The following FRAS1 variants were observed in gnomAD, a reference collection of about 807,000 sequenced individuals.
FRAS1 encodes Fraser extracellular matrix complex subunit 1.
In FRAS1, 290 loss-of-function variants were observed where a neutral mutation model predicts 435.2. The observed-to-expected ratio is 0.67, with a 90% CI of 0.61 to 0.73. The LOEUF is 0.73. Among genes scored for constraint, FRAS1 ranks in the 30% least tolerant of loss-of-function variants. The probability of loss-of-function intolerance (pLI) is 0.00; values close to 1 mark genes in which losing one functional copy is unlikely to be tolerated. For missense variants in FRAS1, 4,860 were observed against 5,001.5 expected (o/e 0.97, Z 0.85); for synonymous variants, 1,800 against 1,851.0 (o/e 0.97, Z 0.71).
At chr4:78,383,708 C>T (rs1168086704) in intron 27 of FRAS1, among the ~76,000 whole-genome samples, 1 of 152,174 alleles carries the variant, frequency 6.6e-6, no homozygotes, top group Non-Finnish European at 1.5e-5. Context: ...ATAAAAGATT[C>T]CTTTCAATTC....
Position 78,521,741 on chromosome 4 carries a change from T to C in FRAS1, c.10648+111T>C, listed in dbSNP as rs183061903. On this transcript the variant is annotated intron_variant, in intron 68 of 73. Coordinates refer to ENST00000512123, the MANE Select transcript of FRAS1 (RefSeq NM_025074.7). ...AAACAGTCAACAATGATTAACATTT[T>C]GCTATACATCCATGTGCACATACAT... The C allele has an allele frequency of 4.2e-5, 28 of 660,564 alleles. No individual in the cohort carries two copies. The East Asian group carries it at 7.5e-4, about 18-fold the overall frequency. The allele number at this position is 660,564 out of a possible 1,614,324, so 40.9% of individuals were successfully genotyped here.
At chr4:78,141,365 T>G (rs1260002883) in intron 2 of FRAS1, among the ~76,000 whole-genome samples, 1 of 152,182 alleles carries the variant, frequency 6.6e-6, no homozygotes, top group Non-Finnish European at 1.5e-5. Context: ...ATGAAAAGAA[T>G]GTTTATTTGA....
At chr4:78,540,231 C>A (rs527970323) in intron 73 of FRAS1, among the ~76,000 whole-genome samples, 2 of 152,164 alleles carry the variant, frequency 1.3e-5, no homozygotes, top group Non-Finnish European at 1.5e-5. Flanking sequence ...TAAAGACAGA[C>A]AAATATAAGC....
chr4:78,307,943 A>T, intron 14 of FRAS1, 123 bp from the exon 15 acceptor site: 1 of 913,446 alleles, frequency 1.1e-6, no homozygotes, highest in Non-Finnish European at 1.6e-6. Context: ...ATGTGTCAAT[A>T]GCAGTTTAGG....
chr4:78,511,481 G>A lies in FRAS1; in HGVS notation c.9988G>A (p.Val3330Ile), dbSNP rs1721038035. ...CATCGCAACCTTGAAATACCTGGAT[G>A]TCAAACATAAGGAGCATCCGAACAG... ...SFIATLKYLD[V>I]KHKEHPNRIH... The change falls in exon 64 of 74, where the codon GTC becomes ATC. Residue 3330 changes from valine (V) to isoleucine (I), a missense_variant. Coordinates refer to ENST00000512123, the MANE Select transcript of FRAS1 (RefSeq NM_025074.7). 2.5e-6 allele frequency: 4 copies of A among 1,613,666 alleles called. No homozygotes were observed. The South Asian group carries it at 3.3e-5, about 13-fold the overall frequency.
rs899004118 is a variant in FRAS1 at position 78,477,968 on chromosome 4, G to A, written c.8005G>A (p.Asp2669Asn). ...CACCCAGGCGAAGGTCATTATCAACGATACCGAGGATGAACCCACATTAGA... is the reference window on the plus strand; with the variant it reads ...CACCCAGGCGAAGGTCATTATCAACAATACCGAGGATGAACCCACATTAGA... ...EFTQAKVIIN[D>N]TEDEPTLEFD... The change falls in exon 55 of 74, where the codon GAT (aspartate) becomes AAT (asparagine). Residue 2669 changes from aspartate to asparagine, a missense_variant. Physicochemically the swap from Asp to Asn is conservative, Grantham distance 23. Coordinates refer to ENST00000512123, the MANE Select transcript of FRAS1 (RefSeq NM_025074.7). The A allele has an allele frequency of 3.7e-6, 6 of 1,612,812 alleles. No individual in the cohort carries two copies. The highest frequency in any genetic ancestry group is 3.4e-6 in the Non-Finnish European group (4 of 1,179,578).
In FRAS1 at chr4:78,317,358, T is replaced by G. The variant is rs1729310821; in HGVS notation, c.1820-10T>G. On this transcript the variant is annotated splice_polypyrimidine_tract_variant and intron_variant, in intron 16 of 73. Transcript: ENST00000512123. The stretch of plus-strand genomic sequence containing the variant: ...TCCCATGGCGTTCTCCCTCTCACTC[T>G]CTTCCTCAGTTTGTCATAACTCATG... 6.2e-7 allele frequency: 1 copy of G among 1,613,716 alleles called. No individual in the cohort carries two copies. Among genetic ancestry groups the G allele is most frequent in the East Asian group, 2.2e-5 (1 of 44,868 alleles).
At position 78,519,251 on chromosome 4, in the gene FRAS1, A is replaced by G. The variant is rs1721310370; in HGVS notation, c.10390-80A>G. On this transcript the variant is annotated intron_variant, in intron 66 of 73. Coordinates refer to ENST00000512123, the MANE Select transcript of FRAS1 (RefSeq NM_025074.7). ...TGTGTGACTACATGGGTGAATGAAA[A>G]TGGAACCAAGATGTGGTGATAGTAT... 5 of 1,300,200 alleles carry G rather than the reference A, an allele frequency of 3.8e-6. No homozygotes were observed. In the East Asian group the frequency reaches 8.2e-5, roughly 21 times the overall value. 80.5% of individuals were successfully genotyped at this position (1,300,200 alleles called of 1,614,324 possible). A position where few individuals can be genotyped will look rare whatever the true frequency, so the allele number is the denominator to read the frequency against.
At chr4:78,273,548 G>A (rs917513535) in intron 9 of FRAS1, among the ~76,000 whole-genome samples, 3 of 152,046 alleles carry the variant, frequency 2.0e-5, no homozygotes, top group African/African-American at 4.8e-5. Context: ...TGTCAAAGGC[G>A]TTTTCTGCAT....
chr4:78,098,896 G>T (rs944054607), intron 2 of FRAS1, among the ~76,000 whole-genome samples: 1 of 152,182 alleles, frequency 6.6e-6, no homozygotes, highest in South Asian at 2.1e-4. Flanking sequence ...GGAATTGTTG[G>T]CAGTATAAGC....
chr4:78,405,097 G>A (rs1255873704), intron 30 of FRAS1, among the ~76,000 whole-genome samples: 1 of 152,026 alleles, frequency 6.6e-6, no homozygotes, highest in Non-Finnish European at 1.5e-5. Context: ...AAAATTAATG[G>A]GATTAGCAAA....
chr4:78,241,392 G>A (rs539783875), intron 3 of FRAS1, among the ~76,000 whole-genome samples: 2 of 152,162 alleles, frequency 1.3e-5, no homozygotes, highest in African/African-American at 4.8e-5. Context: ...AGCATAGTAC[G>A]CAGCACACAG....
chr4:78,307,289 A>C (rs978418472), intron 14 of FRAS1, among the ~76,000 whole-genome samples: 1 of 152,172 alleles, frequency 6.6e-6, no homozygotes, highest in African/African-American at 2.4e-5. Flanking sequence ...AGGGACATTT[A>C]AGTCTGCAGA....
chr4:78,199,897 A>T (rs116869788), intron 2 of FRAS1, among the ~76,000 whole-genome samples: 1 of 152,230 alleles, frequency 6.6e-6, no homozygotes, highest in Non-Finnish European at 1.5e-5. Context: ...AGCCCTAATG[A>T]TGATGGATGA....
At chr4:78,392,889 A>G (rs948632108) in intron 29 of FRAS1, among the ~76,000 whole-genome samples, 1 of 152,028 alleles carries the variant, frequency 6.6e-6, no homozygotes. Context: ...TAAATGTAGA[A>G]AAGATGATAT....
intron 2 of FRAS1, among the ~76,000 whole-genome samples, chr4:78,140,630 C>CATATACATATGTGTATACGT (rs1720120161): frequency 6.6e-6 from 1 of 150,772 alleles, no homozygotes; most frequent in Non-Finnish European, 1.5e-5. Context: ...TGTGTATACG[C>CATATACATATGTGTATACGT]ATATACATAT....
Position 78,519,558 on chromosome 4 carries a change from T to A in FRAS1, c.10540+77T>A, listed in dbSNP as rs560311654. On this transcript the variant is annotated intron_variant, in intron 67 of 73. Coordinates refer to ENST00000512123, the MANE Select transcript of FRAS1 (RefSeq NM_025074.7). Reference sequence around the variant, plus strand: ...AAGATTAAAAGAAGAGTAGTGACTTTTAACAGTAGCTGCATTTCTCATCCT... The same window carrying A: ...AAGATTAAAAGAAGAGTAGTGACTTATAACAGTAGCTGCATTTCTCATCCT... The A allele has an allele frequency of 7.3e-4, 1,099 of 1,500,834 alleles. 17 individuals carry two copies. In the South Asian group the frequency reaches 0.011, roughly 16 times the overall value. 93.0% of individuals were successfully genotyped at this position (1,500,834 alleles called of 1,614,324 possible).
intron 30 of FRAS1, among the ~76,000 whole-genome samples, chr4:78,404,961 A>G (rs1733044390): frequency 6.6e-6 from 1 of 152,170 alleles, no homozygotes; most frequent in South Asian, 2.1e-4. Flanking sequence ...AGTGACTCCC[A>G]GTTGCTTATG....
At chr4:78,449,092 T>C (rs963486255) in intron 44 of FRAS1, among the ~76,000 whole-genome samples, 1 of 152,212 alleles carries the variant, frequency 6.6e-6, no homozygotes, top group Non-Finnish European at 1.5e-5. Flanking sequence ...TAAACTATCC[T>C]GTTACTGTTT....
Sources: allele counts gnomAD v4.1 joint callset (sites outside exome capture counted in the v4.1 genomes callset), GRCh38; gene constraint gnomAD v4.1.1; transcripts MANE v1.5; gene names NCBI Gene and HGNC (gene_info 2026-07-23, HGNC 2026-07-21).